Variants in LMBRD1 observed in about 807,000 individuals in gnomAD.
LMBRD1 encodes the protein LMBR1 domain containing 1, also known as lysosomal cobalamin transport escort protein LMBD1.
Under a neutral mutation model 74.8 loss-of-function variants are expected in LMBRD1, and 64 were observed. The observed-to-expected ratio is 0.86, with a 90% confidence interval of 0.70 to 1.05. LMBRD1 has a LOEUF of 1.05. Among genes scored for constraint, LMBRD1 ranks in the 50% least tolerant of loss-of-function variants. The probability of loss-of-function intolerance (pLI) is 0.00; values close to 1 mark genes in which losing one functional copy is unlikely to be tolerated. For synonymous variants in LMBRD1, 204 were observed against 216.3 expected (o/e 0.94, Z 0.50); for missense variants, 652 against 645.9 (o/e 1.01, Z -0.10).
At chr6:69,768,423 T>A (rs971181004) in intron 3 of LMBRD1, among the ~76,000 whole-genome samples, 1 of 151,752 alleles carries the variant, frequency 6.6e-6, no homozygotes, top group Admixed American at 6.6e-5. Context: ...CAATTTACCT[T>A]CAATTAATAT....
chr6:69,706,400 T>TA (rs1766260481), intron 9 of LMBRD1, among the ~76,000 whole-genome samples: 1 of 152,214 alleles, frequency 6.6e-6, no homozygotes, highest in African/African-American at 2.4e-5. Flanking sequence ...AAAAGTATGT[T>TA]AATCTATTGA....
intron 2 of LMBRD1, among the ~76,000 whole-genome samples, chr6:69,785,797 T>C (rs1582162757): frequency 2.0e-5 from 3 of 152,228 alleles, no homozygotes; most frequent in Admixed American, 2.0e-4. Flanking sequence ...ACAGTCTGGC[T>C]CCTGCCTTAT....
intron 8 of LMBRD1, among the ~76,000 whole-genome samples, chr6:69,715,116 G>C (rs1056285866): frequency 6.6e-5 from 10 of 152,034 alleles, no homozygotes; most frequent in Non-Finnish European, 1.5e-4. Context: ...CTGAAGATCA[G>C]AGTAATAAAA....
chr6:69,683,098 A>C (rs1377582176), intron 14 of LMBRD1, among the ~76,000 whole-genome samples: 1 of 151,976 alleles, frequency 6.6e-6, no homozygotes, highest in Non-Finnish European at 1.5e-5. Context: ...ACACAACCGC[A>C]ATGTCACCTA....
chr6:69,754,983 G>T (rs566971775), intron 3 of LMBRD1, among the ~76,000 whole-genome samples: 2 of 152,332 alleles, frequency 1.3e-5, no homozygotes, highest in Admixed American at 1.3e-4. Flanking sequence ...CTGTTGATGG[G>T]AGTGTAAATT....
In LMBRD1 at chr6:69,701,766, A is replaced by C. The variant is rs924433939; in HGVS notation, c.980+123T>G. On this transcript the variant is annotated intron_variant, in intron 10 of 15. Coordinates refer to ENST00000649934, the MANE Select transcript of LMBRD1 (RefSeq NM_018368.4). The stretch of plus-strand genomic sequence containing the variant: ...TAGCCATTCTTTGAGTTAATGCTAT[A>C]GAACACTTCAAGTAAAAAAGCTACT... The C allele has an allele frequency of 1.3e-5, 10 of 744,704 alleles. No individual in the cohort carries two copies. In the South Asian group the frequency reaches 1.6e-4, roughly 12 times the overall value. The allele number at this position is 744,704 out of a possible 1,614,324, so 46.1% of individuals were successfully genotyped here.
At chr6:69,743,998 A>AT (rs1767163580) in intron 5 of LMBRD1, among the ~76,000 whole-genome samples, 1 of 152,238 alleles carries the variant, frequency 6.6e-6, no homozygotes, top group African/African-American at 2.4e-5. Flanking sequence ...CTCCCAACAG[A>AT]TGAAAAGGCA....
intron 12 of LMBRD1, among the ~76,000 whole-genome samples, chr6:69,700,388 A>G (rs141363868): frequency 3.3e-4 from 50 of 151,988 alleles, no homozygotes; most frequent in African/African-American, 1.2e-3. Flanking sequence ...AAGAAATAAT[A>G]TAACTTTTGG....
At chr6:69,734,328 C>G (rs1207450329) in intron 7 of LMBRD1, among the ~76,000 whole-genome samples, 1 of 152,120 alleles carries the variant, frequency 6.6e-6, no homozygotes, top group Non-Finnish European at 1.5e-5. Context: ...TACAGTAAAT[C>G]ATCACATAAC....
intron 6 of LMBRD1, among the ~76,000 whole-genome samples, chr6:69,739,246 C>A (rs540340522): frequency 6.6e-6 from 1 of 152,014 alleles, no homozygotes; most frequent in Non-Finnish European, 1.5e-5. Flanking sequence ...TTTGGCCAAT[C>A]GAAATGTTAA....
chr6:69,750,261 G>C (rs879094173), intron 4 of LMBRD1, among the ~76,000 whole-genome samples: 1 of 151,418 alleles, frequency 6.6e-6, no homozygotes, highest in African/African-American at 2.4e-5. Flanking sequence ...CTCTAAGATA[G>C]GTTGTTCTCA....
chr6:69,740,165 A>G (rs1411208083), intron 6 of LMBRD1, among the ~76,000 whole-genome samples: 2 of 152,164 alleles, frequency 1.3e-5, no homozygotes, highest in Non-Finnish European at 2.9e-5. Flanking sequence ...GAAAAATGCA[A>G]TGCAAGGAGG....
At chr6:69,763,234 GAA>G (rs35769776) in intron 3 of LMBRD1, among the ~76,000 whole-genome samples, 14 of 135,494 alleles carry the variant, frequency 1.0e-4, no homozygotes, top group Non-Finnish European at 1.8e-4. Context: ...AAAGAAAAAA[GAA>G]AAAAAAAAAA....
chr6:69,718,823 T>C, intron 8 of LMBRD1, 133 bp downstream of exon 8: 1 of 855,648 alleles, frequency 1.2e-6, no homozygotes, highest in South Asian at 1.4e-5. Context: ...ACAGTCAAAC[T>C]GTACCAGATA....
intron 9 of LMBRD1, among the ~76,000 whole-genome samples, chr6:69,712,439 T>C (rs1259377509): frequency 9.9e-6 from 1 of 101,442 alleles, no homozygotes; most frequent in African/African-American, 4.2e-5. Context: ...AGAGTTCCTA[T>C]GTTTTTTTTT....
At chr6:69,696,045 T>C (rs1392146399) in intron 14 of LMBRD1, among the ~76,000 whole-genome samples, 1 of 152,196 alleles carries the variant, frequency 6.6e-6, no homozygotes, top group African/African-American at 2.4e-5. Context: ...AGTTTCGCCA[T>C]GTTGGCCAGG....
chr6:69,758,367 A>G (rs1057345641), intron 3 of LMBRD1, among the ~76,000 whole-genome samples: 4 of 152,034 alleles, frequency 2.6e-5, no homozygotes, highest in African/African-American at 7.2e-5. Flanking sequence ...AAAATTATCT[A>G]TTTACCCAGC....
At chr6:69,777,052 G>GCAAGAGAAT (rs1001427910) in intron 3 of LMBRD1, among the ~76,000 whole-genome samples, 1 of 152,112 alleles carries the variant, frequency 6.6e-6, no homozygotes, top group African/African-American at 2.4e-5. Context: ...GGAGGCCGAG[G>GCAAGAGAAT]CAAGAGAATC....
rs776133587 is a variant in LMBRD1, at chr6:69,676,458, A to G, written c.1501T>C (p.Phe501Leu). Residue 501 changes from phenylalanine to leucine, a missense_variant, in exon 15 of 16, where the codon TTT becomes CTT. Coordinates refer to ENST00000649934, the MANE Select transcript of LMBRD1 (RefSeq NM_018368.4). ...SAAYYFGNWA[F>L]LGVFLIGLIV... is the part of the protein sequence containing the mutation. ...GGGATATCTGCACTTACCCCAAGAA[A>G]GGCCCAGTTACCAAAATAGTAAGCA... 3.0e-5 allele frequency: 48 copies of G among 1,613,124 alleles called. No individual in the cohort carries two copies. Among genetic ancestry groups the G allele is most frequent in the Middle Eastern group, 3.3e-4 (2 of 6,076 alleles).
Sources: allele counts gnomAD v4.1 joint callset (sites outside exome capture counted in the v4.1 genomes callset), GRCh38; gene constraint gnomAD v4.1.1; transcripts MANE v1.5; gene names NCBI Gene and HGNC (gene_info 2026-07-23, HGNC 2026-07-21).